The following ASIC2 variants were observed in gnomAD, a reference collection of about 807,000 sequenced individuals.
The protein encoded by ASIC2 is acid sensing ion channel subunit 2.
In ASIC2, 25 loss-of-function variants were observed where a neutral mutation model predicts 57.3. That is an observed-to-expected ratio of 0.44 (90% CI 0.32 to 0.61). The LOEUF (loss-of-function observed/expected upper bound fraction) is 0.61, where lower values mean the gene tolerates loss of function less well. Among genes scored for constraint, ASIC2 ranks in the 20% least tolerant of loss-of-function variants. ASIC2 has a pLI of 0.06. For synonymous variants in ASIC2, 319 were observed against 307.5 expected, an observed-to-expected ratio of 1.04 and a Z score of -0.39; for missense variants, 641 against 738.1, an observed-to-expected ratio of 0.87 and a Z score of 1.52.
intron 1 of ASIC2, among the ~76,000 whole-genome samples, chr17:33,873,023 T>G (rs376251899): frequency 6.6e-6 from 1 of 152,088 alleles, no homozygotes; most frequent in African/African-American, 2.4e-5. Flanking sequence ...AGACAAGAAC[T>G]TCAAGAAAAA....
chr17:33,174,651 T>C (rs1227946996), intron 1 of ASIC2, among the ~76,000 whole-genome samples: 1 of 152,124 alleles, frequency 6.6e-6, no homozygotes, highest in African/African-American at 2.4e-5. Flanking sequence ...TGCCCTGCAG[T>C]GTGACTTCTG....
chr17:33,935,598 TAAGA>T (rs1243358445), intron 1 of ASIC2: 1 of 152,188 alleles, frequency 6.6e-6, no homozygotes, highest in African/African-American at 2.4e-5. Flanking sequence ...AAGGACTCTA[TAAGA>T]AAGATCTCAT....
intron 1 of ASIC2, among the ~76,000 whole-genome samples, chr17:33,157,371 T>G (rs1905034645): frequency 6.6e-6 from 1 of 152,186 alleles, no homozygotes; most frequent in Non-Finnish European, 1.5e-5. Flanking sequence ...ATTTTACAGA[T>G]GAATAAACCG....
chr17:33,043,087 C>T (rs1306526418), intron 3 of ASIC2, among the ~76,000 whole-genome samples: 4 of 152,110 alleles, frequency 2.6e-5, no homozygotes, highest in Non-Finnish European at 4.4e-5. Flanking sequence ...CCACCACGCC[C>T]GGCTAATTTT....
chr17:34,026,001 A>C (rs4451997), intron 1 of ASIC2, among the ~76,000 whole-genome samples: 43 of 152,016 alleles, frequency 2.8e-4, no homozygotes, highest in African/African-American at 9.9e-4. Flanking sequence ...TGAAATGGGT[A>C]TGGTGGGTTT....
intron 1 of ASIC2, among the ~76,000 whole-genome samples, chr17:33,663,083 G>A (rs1291448273): frequency 6.6e-6 from 1 of 152,130 alleles, no homozygotes; most frequent in Non-Finnish European, 1.5e-5. Context: ...AGAACTCAAT[G>A]CACGAGAGAC....
intron 1 of ASIC2, among the ~76,000 whole-genome samples, chr17:33,463,055 T>G (rs1473144210): frequency 6.6e-6 from 1 of 152,226 alleles, no homozygotes; most frequent in East Asian, 1.9e-4. Context: ...CCTGTTCTTA[T>G]TTCTGAGATT....
intron 1 of ASIC2, among the ~76,000 whole-genome samples, chr17:33,431,499 G>C (rs1023321138): frequency 1.1e-4 from 17 of 152,102 alleles, no homozygotes; most frequent in African/African-American, 3.9e-4. Context: ...AGCTACTCAG[G>C]GGGGCTGAGG....
At chr17:34,155,388 A>G (rs548936602) in intron 1 of ASIC2, among the ~76,000 whole-genome samples, 1 of 152,138 alleles carries the variant, frequency 6.6e-6, no homozygotes, top group African/African-American at 2.4e-5. Flanking sequence ...GGAGCTTAGA[A>G]TTCACACAAG....
At chr17:33,139,969 G>T (rs2092380904) in intron 1 of ASIC2, among the ~76,000 whole-genome samples, 3 of 152,226 alleles carry the variant, frequency 2.0e-5, no homozygotes, top group Admixed American at 2.0e-4. Flanking sequence ...GTTGTACATG[G>T]ATTCGTAAAG....
chr17:33,082,247 A>G (rs903357359), intron 3 of ASIC2, among the ~76,000 whole-genome samples: 1 of 152,242 alleles, frequency 6.6e-6, no homozygotes, highest in Non-Finnish European at 1.5e-5. Context: ...CTAATTGCCC[A>G]GAATCTCTAG....
intron 1 of ASIC2, among the ~76,000 whole-genome samples, chr17:34,106,798 CCAGGTT>C (rs1911074905): frequency 6.6e-6 from 1 of 152,076 alleles, no homozygotes. Context: ...GTGAGATATT[CCAGGTT>C]CATCTTTTAC....
At chr17:33,096,470 C>T in intron 2 of ASIC2, among the ~76,000 whole-genome samples, 1 of 152,220 alleles carries the variant, frequency 6.6e-6, no homozygotes, top group East Asian at 1.9e-4. Flanking sequence ...CTTCTGGCTG[C>T]TAAATGGATA....
intron 3 of ASIC2, among the ~76,000 whole-genome samples, chr17:33,072,631 G>T (rs542878401): frequency 6.6e-6 from 1 of 152,198 alleles, no homozygotes; most frequent in East Asian, 1.9e-4. Flanking sequence ...GGTGACGTAC[G>T]TAGGCAGGCA....
At chr17:33,121,946 C>G (rs998726851) in intron 1 of ASIC2, among the ~76,000 whole-genome samples, 21 of 152,168 alleles carry the variant, frequency 1.4e-4, no homozygotes, top group Non-Finnish European at 8.8e-5. Flanking sequence ...ATCACCAGAC[C>G]ACACCTAGGA....
chr17:33,225,185 A>G (rs960794772), intron 1 of ASIC2, among the ~76,000 whole-genome samples: 2 of 152,218 alleles, frequency 1.3e-5, no homozygotes, highest in Non-Finnish European at 2.9e-5. Context: ...TATGTTGAAT[A>G]CCAAGCCTGT....
At chr17:33,396,603 C>G (rs1910086963) in intron 1 of ASIC2, among the ~76,000 whole-genome samples, 1 of 152,172 alleles carries the variant, frequency 6.6e-6, no homozygotes, top group Non-Finnish European at 1.5e-5. Context: ...ACCTCATTGC[C>G]TCACTTATAG....
At chr17:34,102,975 T>C (rs918141203) in intron 1 of ASIC2, among the ~76,000 whole-genome samples, 8 of 152,228 alleles carry the variant, frequency 5.3e-5, no homozygotes, top group Non-Finnish European at 8.8e-5. Context: ...TTCAAGACTT[T>C]TGCTTACTTT....
chr17:33,759,141 A>G (rs191383988), intron 1 of ASIC2, among the ~76,000 whole-genome samples: 18 of 152,332 alleles, frequency 1.2e-4, no homozygotes, highest in Non-Finnish European at 1.6e-4. Context: ...TATGGACAGT[A>G]AAGACCATTC....
Sources: gnomAD v4.1 joint callset for allele counts (sites outside exome capture counted in the v4.1 genomes callset) on GRCh38, gnomAD v4.1.1 for gene constraint, MANE v1.5 for transcripts, NCBI Gene and HGNC (gene_info 2026-07-23, HGNC 2026-07-21) for gene names.